RAD51B: variants seen among roughly 807,000 people sequenced by gnomAD.
RAD51B encodes the protein DNA repair protein RAD51 homolog 2.
In RAD51B, 38 loss-of-function variants were observed where a neutral mutation model predicts 42.2. The ratio of observed to expected loss-of-function variants is 0.90; its 90% CI spans 0.70 to 1.18. RAD51B has a LOEUF of 1.18. Among genes scored for constraint, RAD51B ranks in the 50% most tolerant of loss-of-function variants. RAD51B has a pLI of 0.00. For synonymous variants in RAD51B, 154 were observed against 145.2 expected, an observed-to-expected ratio of 1.06 and a Z score of -0.43; for missense variants, 373 against 400.7, an observed-to-expected ratio of 0.93 and a Z score of 0.59.
chr14:67,949,441 A>T (rs1214437210), intron 7 of RAD51B, among the ~76,000 whole-genome samples: 1 of 152,212 alleles, frequency 6.6e-6, no homozygotes, highest in Non-Finnish European at 1.5e-5. Context: ...TGGTCATGAG[A>T]TTGTAACAAT....
chr14:68,281,614 A>G (rs1322958271), intron 7 of RAD51B, among the ~76,000 whole-genome samples: 1 of 152,220 alleles, frequency 6.6e-6, no homozygotes, highest in Non-Finnish European at 1.5e-5. Flanking sequence ...TGCATTGAGG[A>G]TCAGCTAAGA....
intron 7 of RAD51B, among the ~76,000 whole-genome samples, chr14:68,113,233 C>T (rs964975866): frequency 1.3e-5 from 2 of 151,952 alleles, no homozygotes; most frequent in Non-Finnish European, 2.9e-5. Context: ...TAATTTTCAC[C>T]ATGCATAATA....
At chr14:68,147,551 TTCA>T in intron 7 of RAD51B, among the ~76,000 whole-genome samples, 1 of 152,166 alleles carries the variant, frequency 6.6e-6, no homozygotes, top group East Asian at 1.9e-4. Context: ...GTCACTAGAT[TTCA>T]TCACCATCTG....
chr14:68,651,784 G>A (rs186182886), intron 11 of RAD51B, among the ~76,000 whole-genome samples: 14 of 152,232 alleles, frequency 9.2e-5, no homozygotes, highest in Admixed American at 3.3e-4. Context: ...GAGAGGCCTC[G>A]GCAATGTATA....
intron 10 of RAD51B, among the ~76,000 whole-genome samples, chr14:68,605,491 AAACCCGACTGGCT>A (rs1406560374): frequency 6.6e-6 from 1 of 152,232 alleles, no homozygotes; most frequent in African/African-American, 2.4e-5. Flanking sequence ...ATCTAAACTA[AAACCCGACTGGCT>A]AACAGTTTAA....
In RAD51B at chr14:68,619,318, C is replaced by CAA. The variant is rs33973826; in HGVS notation, c.1037-31457_1037-31456dup. Among the ~76,000 whole-genome samples, 5 of 151,474 alleles carry CAA rather than the reference C, an allele frequency of 3.3e-5. No homozygotes were observed. The East Asian group carries it at 5.8e-4, about 18-fold the overall frequency. On this transcript the variant is annotated intron_variant, in intron 10 of 11. Transcript: ENST00000488612. ...TGAAACCCCATCTCTACTAAAAATA[C>CAA]AAAAAAATTATCCAGGCGCCTGTAG...
intron 7 of RAD51B, among the ~76,000 whole-genome samples, chr14:68,135,891 C>A (rs1191700579): frequency 6.6e-6 from 1 of 152,148 alleles, no homozygotes; most frequent in Non-Finnish European, 1.5e-5. Flanking sequence ...ATATGAGATT[C>A]CAAAGTCCAC....
At chr14:68,091,434 G>T (rs1272125500) in intron 7 of RAD51B, among the ~76,000 whole-genome samples, 1 of 152,102 alleles carries the variant, frequency 6.6e-6, no homozygotes, top group African/African-American at 2.4e-5. Context: ...GTTTTGATTT[G>T]TATTTCTCTG....
rs549407189 is a variant in RAD51B at position 68,448,469 on chromosome 14, G to T, written c.958-19703G>T. ...AACCTGGGCCATTTAGCTTCTTATG[G>T]GCAGGGACCTCATCATGTTCATCTT... On this transcript the variant is annotated intron_variant, in intron 9 of 10. Coordinates refer to ENST00000471583, the MANE Select transcript of RAD51B (RefSeq NM_133510.4). Among the ~76,000 whole-genome samples the T allele has an allele frequency of 2.0e-5, 3 of 152,254 alleles. No individual in the cohort carries two copies. The South Asian group carries it at 6.2e-4, about 32-fold the overall frequency.
chr14:68,092,007 G>T (rs1251624660), intron 7 of RAD51B, among the ~76,000 whole-genome samples: 2 of 152,148 alleles, frequency 1.3e-5, no homozygotes, highest in African/African-American at 2.4e-5. Context: ...TCAGATAGTT[G>T]TAGATATGTG....
At chr14:68,150,486 C>A (rs529169183) in intron 7 of RAD51B, among the ~76,000 whole-genome samples, 112 of 152,102 alleles carry the variant, frequency 7.4e-4, no homozygotes, top group African/African-American at 2.5e-3. Context: ...TCTTTGATTT[C>A]TTTCATGAAA....
At chr14:67,907,869 G>A (rs1027599049) in intron 7 of RAD51B, among the ~76,000 whole-genome samples, 3 of 152,096 alleles carry the variant, frequency 2.0e-5, no homozygotes, top group Non-Finnish European at 4.4e-5. Flanking sequence ...GGGCTGTGGC[G>A]CTGTTGGGCA....
At chr14:68,374,055 A>G (rs930032790) in intron 8 of RAD51B, among the ~76,000 whole-genome samples, 6 of 152,238 alleles carry the variant, frequency 3.9e-5, no homozygotes, top group South Asian at 2.1e-4. Flanking sequence ...CATGTTAATT[A>G]TCTTCATTTT....
At chr14:68,005,980 G>A (rs2075584970) in intron 7 of RAD51B, among the ~76,000 whole-genome samples, 1 of 152,136 alleles carries the variant, frequency 6.6e-6, no homozygotes, top group Non-Finnish European at 1.5e-5. Context: ...AGAGAGAGAG[G>A]AAGGAGGTGA....
chr14:68,091,541 A>G (rs2077099431), intron 7 of RAD51B, among the ~76,000 whole-genome samples: 1 of 151,784 alleles, frequency 6.6e-6, no homozygotes. Context: ...CCACTTTTTG[A>G]TGGGGTTATT....
At chr14:68,648,060 T>C (rs1444296596) in intron 10 of RAD51B, among the ~76,000 whole-genome samples, 1 of 132,854 alleles carries the variant, frequency 7.5e-6, no homozygotes, top group African/African-American at 2.9e-5. Context: ...GATGTGTGTG[T>C]GTATATATAT....
At chr14:67,962,495 AAGT>A (rs1459353008) in intron 7 of RAD51B, among the ~76,000 whole-genome samples, 1 of 152,224 alleles carries the variant, frequency 6.6e-6, no homozygotes, top group Non-Finnish European at 1.5e-5. Context: ...TACAAGGAAG[AAGT>A]TTAGACTGGC....
intron 10 of RAD51B, chr14:68,610,915 C>G (rs1891656009): frequency 3.2e-6 from 2 of 630,300 alleles, no homozygotes; most frequent in African/African-American, 1.8e-5. Flanking sequence ...ACCCTGCAGG[C>G]CATGAACAGT....
intron 7 of RAD51B, among the ~76,000 whole-genome samples, chr14:67,900,435 G>A (rs950341268): frequency 2.6e-5 from 4 of 151,992 alleles, no homozygotes; most frequent in African/African-American, 9.7e-5. Flanking sequence ...GTTTTATGAA[G>A]ACACAATACA....
Sources: allele counts gnomAD v4.1 joint callset (sites outside exome capture counted in the v4.1 genomes callset), GRCh38; gene constraint gnomAD v4.1.1; transcripts MANE v1.5; gene names NCBI Gene and HGNC (gene_info 2026-07-23, HGNC 2026-07-21).